The following ANKRD17 variants were observed in gnomAD, a reference collection of about 807,000 sequenced individuals.
ANKRD17 encodes ankyrin repeat domain 17.
A neutral mutation model predicts 229.7 loss-of-function variants in ANKRD17; 19 were observed. The observed-to-expected ratio is 0.08, with a 90% CI of 0.06 to 0.12. The LOEUF is 0.12. Among genes scored for constraint, ANKRD17 ranks in the 10% least tolerant of loss-of-function variants. The probability of loss-of-function intolerance (pLI) is 1.00; values close to 1 mark genes in which losing one functional copy is unlikely to be tolerated. For synonymous variants in ANKRD17, 1,112 were observed against 1,146.1 expected (o/e 0.97, Z 0.60); for missense variants, 2,176 against 3,176.8 (o/e 0.68, Z 7.57).
intron 2 of ANKRD17, 123 bp from the exon 3 acceptor site, chr4:73,161,471 T>C: frequency 1.1e-6 from 1 of 927,624 alleles, no homozygotes; most frequent in Non-Finnish European, 1.6e-6. Flanking sequence ...AGTAGACATA[T>C]ATATTGGCTG....
At chr4:73,095,964 A>G (rs1216631466) in intron 27 of ANKRD17, among the ~76,000 whole-genome samples, 1 of 152,200 alleles carries the variant, frequency 6.6e-6, no homozygotes, top group Non-Finnish European at 1.5e-5. Context: ...TGCTGGGATT[A>G]TAGACATGAG....
chr4:73,187,882 C>T (rs78464458), intron 1 of ANKRD17, among the ~76,000 whole-genome samples: 1,784 of 152,180 alleles, frequency 0.012, 19 homozygotes, highest in Non-Finnish European at 0.014. Flanking sequence ...GGCAGTGCTC[C>T]CCAACCTTTT....
At chr4:73,132,206 T>A (rs1452040867) in intron 16 of ANKRD17, among the ~76,000 whole-genome samples, 1 of 151,826 alleles carries the variant, frequency 6.6e-6, no homozygotes, top group Non-Finnish European at 1.5e-5. Flanking sequence ...CCTTCTGGGT[T>A]CAAGTGCTTC....
chr4:73,237,706 G>C (rs932373754), intron 1 of ANKRD17, among the ~76,000 whole-genome samples: 2 of 152,150 alleles, frequency 1.3e-5, no homozygotes, highest in African/African-American at 2.4e-5. Flanking sequence ...GCCTATAGCA[G>C]AGACGCCATA....
intron 1 of ANKRD17, among the ~76,000 whole-genome samples, chr4:73,179,755 AGGCCT>A (rs1735299023): frequency 6.6e-6 from 1 of 151,488 alleles, no homozygotes; most frequent in South Asian, 2.1e-4. Flanking sequence ...ATGCACTACC[AGGCCT>A]GGCTAATTTT....
chr4:73,218,507 G>A (rs2149196202), intron 1 of ANKRD17, among the ~76,000 whole-genome samples: 1 of 152,096 alleles, frequency 6.6e-6, no homozygotes, highest in African/African-American at 2.4e-5. Flanking sequence ...GCCAGGCATG[G>A]TGGCGCATGC....
chr4:73,109,299 C>CA (rs34817384), intron 24 of ANKRD17, among the ~76,000 whole-genome samples: 51,795 of 126,634 alleles, frequency 0.41, 9,585 homozygotes, highest in East Asian at 0.52. Context: ...GGCGCTGTCT[C>CA]AAAAAAAAAA....
chr4:73,252,957 C>G (rs890203052), intron 1 of ANKRD17, among the ~76,000 whole-genome samples: 4 of 152,060 alleles, frequency 2.6e-5, no homozygotes, highest in Non-Finnish European at 4.4e-5. Context: ...TGCAAAAAAG[C>G]GTCTCCCCTT....
chr4:73,246,897 C>A (rs1319694823), intron 1 of ANKRD17, among the ~76,000 whole-genome samples: 1 of 151,994 alleles, frequency 6.6e-6, no homozygotes, highest in Non-Finnish European at 1.5e-5. Flanking sequence ...CTTTGAAAAA[C>A]AAAGTACAAA....
intron 1 of ANKRD17, among the ~76,000 whole-genome samples, chr4:73,212,374 CTT>C (rs1206149650): frequency 1.3e-5 from 2 of 152,142 alleles, no homozygotes; most frequent in East Asian, 3.8e-4. Flanking sequence ...TTACCTAACA[CTT>C]TATAAAAGAT....
In ANKRD17 at chr4:73,246,494, G is replaced by A. The variant is rs114340307; in HGVS notation, c.393+11782C>T. Among the ~76,000 whole-genome samples, 572 of 152,266 alleles carry A rather than the reference G, an allele frequency of 3.8e-3. 3 individuals are homozygous for A. The highest frequency in any genetic ancestry group is 0.013 in the African/African-American group (543 of 41,556). ...TTCTCTTGAGGAAAGAAACAATTAG[G>A]TGTTGGAAGAAAGGTTTGCACAAAT... On this transcript the variant is annotated intron_variant, in intron 1 of 33. Coordinates refer to ENST00000358602, the MANE Select transcript of ANKRD17 (RefSeq NM_032217.5).
At chr4:73,163,029 CTTTT>C (rs769597979) in intron 2 of ANKRD17, among the ~76,000 whole-genome samples, 2 of 135,816 alleles carry the variant, frequency 1.5e-5, no homozygotes, top group Non-Finnish European at 1.6e-5. Context: ...TGGCTAATTG[CTTTT>C]TTTTTTTTTT....
rs764794784 is a variant in ANKRD17, at chr4:73,258,348, GCCACCTCCGCCTCCACCGCCGCCT to G, written c.297_320del (p.Gly103_Gly110del). 17 of 1,611,704 alleles carry G rather than the reference GCCACCTCCGCCTCCACCGCCGCCT, an allele frequency of 1.1e-5. No homozygotes were observed. Among genetic ancestry groups the G allele is most frequent in the East Asian group, 2.2e-5 (1 of 44,858 alleles). On this transcript the variant is annotated inframe_deletion, in exon 1 of 34. Transcript: ENST00000358602. ...TGTTGTTACTGCTGGTGCCGCCGCC[GCCACCTCCGCCTCCACCGCCGCCT>G]CCACCGCCGCCGCTGTTGTCGCTGT...
At chr4:73,152,121 T>C (rs1435786000) in intron 6 of ANKRD17, among the ~76,000 whole-genome samples, 1 of 151,972 alleles carries the variant, frequency 6.6e-6, no homozygotes, top group African/African-American at 2.4e-5. Context: ...AAGATACAAG[T>C]GGTTAAAAAG....
At chr4:73,095,634 A>G (rs1723213336) in intron 27 of ANKRD17, among the ~76,000 whole-genome samples, 1 of 151,062 alleles carries the variant, frequency 6.6e-6, no homozygotes, top group Non-Finnish European at 1.5e-5. Flanking sequence ...ATATCCATCT[A>G]ATACTTGCAA....
rs562083309 is a variant in ANKRD17 at position 73,094,606 on chromosome 4, CCAT to C, written c.5178-381_5178-379del. Among the ~76,000 whole-genome samples, 91 of 151,798 alleles carry C rather than the reference CCAT, an allele frequency of 6.0e-4. 1 individual carries two copies. The South Asian group carries it at 0.016, about 27-fold the overall frequency. ...CTACACGCTAATTATGAAAACACCA[CCAT>C]GTCATGAGTGTTGCAATAGTATGTG... On this transcript the variant is annotated intron_variant, in intron 27 of 33. Transcript: ENST00000358602.
chr4:73,236,122 G>A (rs1743485864), intron 1 of ANKRD17, among the ~76,000 whole-genome samples: 1 of 152,114 alleles, frequency 6.6e-6, no homozygotes, highest in African/African-American at 2.4e-5. Context: ...TAGGGAAAAA[G>A]GATGGTCAAT....
intron 16 of ANKRD17, among the ~76,000 whole-genome samples, chr4:73,131,349 C>T (rs1038185536): frequency 2.0e-5 from 3 of 152,168 alleles, no homozygotes; most frequent in Non-Finnish European, 4.4e-5. Flanking sequence ...AAAATATTAG[C>T]TCCTGTCTAA....
At chr4:73,102,598 A>G in intron 24 of ANKRD17, 51 bp from the exon 25 acceptor site, 1 of 1,564,836 alleles carries the variant, frequency 6.4e-7, no homozygotes, top group Non-Finnish European at 8.6e-7. Context: ...TACCCTGGAG[A>G]AGAAGTTGTC....
Sources: allele counts gnomAD v4.1 joint callset (sites outside exome capture counted in the v4.1 genomes callset), GRCh38; gene constraint gnomAD v4.1.1; transcripts MANE v1.5; gene names NCBI Gene and HGNC (gene_info 2026-07-23, HGNC 2026-07-21).